The following PCDHA2 variants were observed in gnomAD, a reference collection of about 807,000 sequenced individuals.
The protein encoded by PCDHA2 is protocadherin alpha 2.
In PCDHA2, 58 loss-of-function variants were observed where a neutral mutation model predicts 66.0. The observed-to-expected ratio is 0.88, with a 90% confidence interval of 0.71 to 1.09. The LOEUF is 1.09. PCDHA2 is among the 50% of genes least tolerant of loss of function. The pLI, the probability that PCDHA2 is intolerant of heterozygous loss-of-function variation, is 0.00. For synonymous variants in PCDHA2, 634 were observed against 554.0 expected, an observed-to-expected ratio of 1.14 and a Z score of -2.03; for missense variants, 1,267 against 1,242.3, an observed-to-expected ratio of 1.02 and a Z score of -0.30.
chr5:140,858,585 T>C, intron 1 of PCDHA2: 1 of 1,345,266 alleles, frequency 7.4e-7, no homozygotes, highest in Non-Finnish European at 1.0e-6. Context: ...GTAATATAAT[T>C]TATTCCAGGA....
chr5:140,865,315 G>A (rs183867521), intron 1 of PCDHA2: 43 of 152,182 alleles, frequency 2.8e-4, no homozygotes, highest in African/African-American at 7.9e-4. Flanking sequence ...CAAATGAGAT[G>A]GCCTTTAATT....
chr5:140,837,916 C>T (rs191330965), intron 1 of PCDHA2, among the ~76,000 whole-genome samples: 6 of 151,766 alleles, frequency 4.0e-5, no homozygotes, highest in South Asian at 4.2e-4. Context: ...TGGCTTCAAG[C>T]GATCCTCCTA....
intron 1 of PCDHA2, among the ~76,000 whole-genome samples, chr5:140,965,427 G>A (rs1336088571): frequency 6.6e-6 from 1 of 152,104 alleles, no homozygotes; most frequent in Non-Finnish European, 1.5e-5. Flanking sequence ...AAGATAAGCT[G>A]CAGTCATTGA....
chr5:140,872,338 A>T (rs970096150), intron 1 of PCDHA2, among the ~76,000 whole-genome samples: 2 of 152,156 alleles, frequency 1.3e-5, no homozygotes, highest in Non-Finnish European at 2.9e-5. Context: ...AAAATTCTAC[A>T]TGTTCTTGCC....
At chr5:140,856,229 C>G (rs17844338) in intron 1 of PCDHA2, 1 of 1,597,934 alleles carries the variant, frequency 6.3e-7, no homozygotes, top group South Asian at 1.1e-5. Context: ...GCTGGTGCAG[C>G]GCCTGTTCCG....
intron 1 of PCDHA2, chr5:140,858,049 G>C (rs181372488): frequency 6.3e-7 from 1 of 1,597,448 alleles, no homozygotes. Flanking sequence ...TGCTTGTGTC[G>C]CTTGTGGAGG....
intron 1 of PCDHA2, among the ~76,000 whole-genome samples, chr5:140,878,435 A>G (rs1582436641): frequency 6.6e-6 from 1 of 152,242 alleles, no homozygotes; most frequent in African/African-American, 2.4e-5. Context: ...TAGATACTGT[A>G]CTATTCTTAT....
intron 1 of PCDHA2, chr5:140,834,377 A>C (rs1445346495): frequency 1.3e-6 from 2 of 1,562,428 alleles, no homozygotes; most frequent in Admixed American, 2.0e-5. Flanking sequence ...CAAGCCAATA[A>C]TTTGAAATGG....
intron 3 of PCDHA2, among the ~76,000 whole-genome samples, chr5:140,997,970 G>A (rs2097791868): frequency 2.0e-5 from 3 of 152,106 alleles, no homozygotes; most frequent in Admixed American, 2.0e-4. Context: ...ACCTGTGGTT[G>A]GACTGCACTT....
intron 1 of PCDHA2, chr5:140,852,656 G>C (rs2042430108): frequency 1.0e-6 from 1 of 961,570 alleles, no homozygotes; most frequent in African/African-American, 1.8e-5. Context: ...ATCTATATCT[G>C]TCTATCAGCA....
chr5:140,848,247 T>C (rs1581144938), intron 1 of PCDHA2: 2 of 456,006 alleles, frequency 4.4e-6, no homozygotes, highest in East Asian at 3.3e-5. Flanking sequence ...TTTTGCAGAA[T>C]AACTGTGAAA....
At chr5:140,835,820 G>T (rs2150245687) in intron 1 of PCDHA2, 1 of 1,612,676 alleles carries the variant, frequency 6.2e-7, no homozygotes, top group South Asian at 1.1e-5. Flanking sequence ...CTGTGTCGGC[G>T]GGGGACGCGG....
At chr5:140,808,870 C>G in intron 1 of PCDHA2, 3 of 1,613,180 alleles carry the variant, frequency 1.9e-6, no homozygotes, top group Non-Finnish European at 2.5e-6. Context: ...AAAACGACAA[C>G]GCGCCAGCAC....
Position 140,928,600 on chromosome 5 carries a change from G to C in PCDHA2, c.2389-50349G>C, listed in dbSNP as rs144698541. ...AAATGGTTCTGTCCCAGTGGAAATT[G>C]TGCCCCGCTCTGCCAGGACTGGACA... On this transcript the variant is annotated intron_variant, in intron 1 of 3. Coordinates refer to ENST00000526136, the MANE Select transcript of PCDHA2 (RefSeq NM_018905.3). 3.1e-6 allele frequency: 5 copies of C among 1,614,090 alleles called. No homozygotes were observed. In the African/African-American group the frequency reaches 6.7e-5, roughly 22 times the overall value.
In PCDHA2 at chr5:140,850,319, A is replaced by G; in HGVS notation, c.2388+52967A>G. The G allele has an allele frequency of 2.5e-6, 4 of 1,597,562 alleles. 1 individual carries two copies. The highest frequency in any genetic ancestry group is 1.1e-5 in the South Asian group (1 of 90,528). Reference sequence around the variant, plus strand: ...ACTCGGGCTACAACGCGTGGCTTTCATACGAGCTGCAGCCAGAAACGGCCA... The same window carrying G: ...ACTCGGGCTACAACGCGTGGCTTTCGTACGAGCTGCAGCCAGAAACGGCCA... On this transcript the variant is annotated intron_variant, in intron 1 of 3. Coordinates refer to ENST00000526136, the MANE Select transcript of PCDHA2 (RefSeq NM_018905.3).
At chr5:140,809,734 A>AAT (rs1191296729) in intron 1 of PCDHA2, 21 of 734,044 alleles carry the variant, frequency 2.9e-5, no homozygotes, top group Non-Finnish European at 4.3e-5. Flanking sequence ...ACATCAGAGC[A>AAT]ATATATATTG....
chr5:140,797,166 A>C lies in PCDHA2; in HGVS notation c.2202A>C (p.Pro734=), dbSNP rs1762192604. The part of the protein sequence containing the change: ...SVPPTEGARA[P]GKPTLVCSSA... ...CACCCACCGAGGGTGCGCGCGCGCC[A>C]GGAAAGCCCACGCTGGTGTGCTCCA... Residue 734 remains proline, a synonymous_variant, in exon 1 of 4, where the codon CCA becomes CCC. Coordinates refer to ENST00000526136, the MANE Select transcript of PCDHA2 (RefSeq NM_018905.3). 6.2e-7 allele frequency: 1 copy of C among 1,614,054 alleles called. No individual in the cohort carries two copies. Among genetic ancestry groups the C allele is most frequent in the Non-Finnish European group, 8.5e-7 (1 of 1,180,020 alleles).
At chr5:140,813,646 C>A (rs1168752687) in intron 1 of PCDHA2, 1 of 152,114 alleles carries the variant, frequency 6.6e-6, no homozygotes. Flanking sequence ...TTACTGTGCA[C>A]TAATGTAGAC....
intron 3 of PCDHA2, among the ~76,000 whole-genome samples, chr5:140,999,619 G>A (rs2097865766): frequency 6.6e-6 from 1 of 152,146 alleles, no homozygotes; most frequent in Non-Finnish European, 1.5e-5. Flanking sequence ...TTATCAACCA[G>A]GAAACAAGGT....
Sources: allele counts gnomAD v4.1 joint callset (sites outside exome capture counted in the v4.1 genomes callset), GRCh38; gene constraint gnomAD v4.1.1; transcripts MANE v1.5; gene names NCBI Gene and HGNC (gene_info 2026-07-23, HGNC 2026-07-21).